Variants in DNAH17 observed in about 807,000 individuals in gnomAD.
DNAH17 encodes the protein dynein axonemal heavy chain 17.
A neutral mutation model predicts 485.6 loss-of-function variants in DNAH17; 376 were observed. That is an observed-to-expected ratio of 0.77 (90% CI 0.71 to 0.84). DNAH17 has a LOEUF of 0.84. Ranked by LOEUF, DNAH17 falls within the 40% of genes least tolerant of loss-of-function variation. DNAH17 has a pLI of 0.00. For synonymous variants in DNAH17, 3,031 were observed against 2,405.9 expected (o/e 1.26, Z -7.60); for missense variants, 6,370 against 5,839.3 (o/e 1.09, Z -2.96).
At chr17:78,428,905 G>A (rs558668461) in intron 76 of DNAH17, among the ~76,000 whole-genome samples, 198 bp from the exon 77 acceptor site, 8 of 136,902 alleles carry the variant, frequency 5.8e-5, no homozygotes, top group Admixed American at 5.5e-4. Context: ...CCCCTTCCCT[G>A]AGGCTGCATT....
intron 72 of DNAH17, 33 bp from the exon 73 acceptor site, chr17:78,439,250 C>A: frequency 6.3e-7 from 1 of 1,587,140 alleles, no homozygotes; most frequent in East Asian, 2.3e-5. Context: ...AAAAACACCA[C>A]GTAATTAAAT....
chr17:78,479,010 C>G lies in DNAH17; in HGVS notation c.7992+15G>C, dbSNP rs368845084. 3.8e-5 allele frequency: 61 copies of G among 1,611,128 alleles called. No homozygotes were observed. The highest frequency in any genetic ancestry group is 4.9e-5 in the Non-Finnish European group (58 of 1,177,774). On this transcript the variant is annotated intron_variant, in intron 51 of 80. Coordinates refer to ENST00000389840, the MANE Select transcript of DNAH17 (RefSeq NM_173628.4). ...ACCGTAAGGCAGGCATGACATAAAG[C>G]TACAAGAGCAGTACCTGGAAAATAT...
At chr17:78,491,120 T>C (rs564927934) in intron 43 of DNAH17, among the ~76,000 whole-genome samples, 70 of 152,326 alleles carry the variant, frequency 4.6e-4, no homozygotes, top group African/African-American at 1.6e-3. Flanking sequence ...CTGGAAAGTA[T>C]TGTGTTCCTT....
intron 74 of DNAH17, among the ~76,000 whole-genome samples, chr17:78,437,144 G>C (rs962147762): frequency 6.6e-6 from 1 of 152,180 alleles, no homozygotes; most frequent in Admixed American, 6.5e-5. Context: ...TGGGTCAGAG[G>C]GGGGCTGAAG....
chr17:78,495,219 G>A, intron 38 of DNAH17, 122 bp from the exon 39 acceptor site: 1 of 1,294,794 alleles, frequency 7.7e-7, no homozygotes, highest in South Asian at 1.6e-5. Context: ...GCAGAGTGTT[G>A]AACCTTCGGT....
In DNAH17 at chr17:78,479,494, CG is replaced by C; in HGVS notation, c.7890del (p.Ala2631ArgfsTer44). ...AIQRISSQLV[A>X]AALALHQKIT... ...AGGCCAGCCAGCTTACCCAGGGCCGCGGCCACCAGCTGGCTGCTTATCCTCT... is the reference window on the plus strand; with the variant it reads ...AGGCCAGCCAGCTTACCCAGGGCCGCGCCACCAGCTGGCTGCTTATCCTCT... On this transcript the variant is annotated frameshift_variant, in exon 50 of 81. Transcript: ENST00000389840. LOFTEE classifies it high-confidence loss of function. 6.2e-7 allele frequency: 1 copy of C among 1,611,378 alleles called. No individual in the cohort carries two copies. Among genetic ancestry groups the C allele is most frequent in the Non-Finnish European group, 8.5e-7 (1 of 1,179,242 alleles).
chr17:78,459,690 A>C, intron 60 of DNAH17, 94 bp downstream of exon 60: 1 of 1,414,222 alleles, frequency 7.1e-7, no homozygotes, highest in Middle Eastern at 2.1e-4. Context: ...CACAGGCCCC[A>C]AGAGCCTGAG....
chr17:78,570,953 T>C lies in DNAH17; in HGVS notation c.913A>G (p.Thr305Ala). Residue 305 changes from threonine (T) to alanine (A), a missense_variant, in exon 6 of 81, where the codon ACG becomes GCG. Thr to Ala is a moderately conservative substitution (Grantham distance 58). Transcript: ENST00000389840. ...GCTCTCCCTTGCCTGCGCACCATCG[T>C]GAAGTCGGCTTGTTCCATCTCCTCC... ...LLEEMEQADF[T>A]MLPTFIAKVL... The C allele has an allele frequency of 6.3e-7, 1 of 1,586,452 alleles. No homozygotes were observed.
At chr17:78,516,646 C>T (rs1474327507) in intron 25 of DNAH17, among the ~76,000 whole-genome samples, 1 of 138,728 alleles carries the variant, frequency 7.2e-6, no homozygotes, top group Admixed American at 7.7e-5. Flanking sequence ...GTGGACATCA[C>T]ATCACTGCAC....
At chr17:78,511,563 C>A (rs1027074479) in intron 26 of DNAH17, among the ~76,000 whole-genome samples, 1 of 152,244 alleles carries the variant, frequency 6.6e-6, no homozygotes, top group Non-Finnish European at 1.5e-5. Context: ...AGTACCAGAT[C>A]ACCGTTAGTC....
At chr17:78,574,117 G>T (rs1413747545) in intron 2 of DNAH17, among the ~76,000 whole-genome samples, 2 of 152,198 alleles carry the variant, frequency 1.3e-5, no homozygotes, top group African/African-American at 4.8e-5. Flanking sequence ...CAGTCTCAAT[G>T]CTGTCCAGAG....
intron 76 of DNAH17, 119 bp downstream of exon 76, chr17:78,429,002 C>CT (rs1321166848): frequency 2.1e-5 from 22 of 1,070,898 alleles, no homozygotes; most frequent in South Asian, 7.6e-5. Flanking sequence ...CTCATCCTCT[C>CT]TTATTTTGGC....
At chr17:78,524,112 C>T (rs987853663) in intron 25 of DNAH17, among the ~76,000 whole-genome samples, 2 of 151,972 alleles carry the variant, frequency 1.3e-5, no homozygotes, top group East Asian at 3.9e-4. Context: ...GGGGCGTGGC[C>T]CTCAGGAATG....
chr17:78,457,502 T>C (rs967243566), intron 62 of DNAH17, among the ~76,000 whole-genome samples: 5 of 152,170 alleles, frequency 3.3e-5, no homozygotes, highest in African/African-American at 1.2e-4. Context: ...AATAATATTT[T>C]GGATATTTGG....
intron 11 of DNAH17, among the ~76,000 whole-genome samples, chr17:78,565,953 AAAACAAAC>A (rs1392823116): frequency 6.6e-6 from 1 of 151,574 alleles, no homozygotes; most frequent in Non-Finnish European, 1.5e-5. Context: ...TCCATCTCAA[AAAACAAAC>A]AAACAACAAA....
chr17:78,532,719 G>A lies in DNAH17; in HGVS notation c.2877C>T (p.Asn959=), dbSNP rs1277141583. ...RMNYKMDLED[N]TDLIEMREEV... is the part of the protein sequence containing the mutation. ...CCTCCCTCATCTCTATGAGGTCTGT[G>A]TTATCTTCCAGGTCCATCTGAAAGG... Residue 959 remains asparagine (N), a synonymous_variant, in exon 20 of 81, where the codon AAC becomes AAT. Transcript: ENST00000389840. 2.5e-6 allele frequency: 4 copies of A among 1,592,874 alleles called. No homozygotes were observed. In the African/African-American group the frequency reaches 5.4e-5, roughly 21 times the overall value.
At position 78,437,641 on chromosome 17, in the gene DNAH17, C is replaced by A; in HGVS notation, c.12033G>T (p.Gln4011His). 6.2e-7 allele frequency: 1 copy of A among 1,604,510 alleles called. No homozygotes were observed. Among genetic ancestry groups the A allele is most frequent in the South Asian group, 1.1e-5 (1 of 90,086 alleles). ...NLHKALDLFT[Q>H]DTLEMCTKEM... ...GCAGCCCGAGCAGGCGTGGCCCTAC[C>A]TGGGTGAACAGGTCCAGGGCCTTGT... Residue 4011 changes from glutamine to histidine, a missense_variant and splice_region_variant, in exon 74 of 81, where the codon CAG becomes CAT. Transcript: ENST00000389840.
At position 78,514,727 on chromosome 17, in the gene DNAH17, G is replaced by A. The variant is rs1392719065; in HGVS notation, c.4113+47C>T. The A allele has an allele frequency of 2.5e-6, 4 of 1,591,672 alleles. No homozygotes were observed. The Admixed American group carries it at 5.2e-5, about 21-fold the overall frequency. On this transcript the variant is annotated intron_variant, in intron 26 of 80. Coordinates refer to ENST00000389840, the MANE Select transcript of DNAH17 (RefSeq NM_173628.4). Reference sequence around the variant, plus strand: ...TCAGGCCAGCCCATCCTGCAGCAGAGCTGGCCGCCAGGGGCGGTCCCCTCC... The same window carrying A: ...TCAGGCCAGCCCATCCTGCAGCAGAACTGGCCGCCAGGGGCGGTCCCCTCC...
At position 78,485,758 on chromosome 17, in the gene DNAH17, C is replaced by T. The variant is rs766548523; in HGVS notation, c.7276-1G>A. The T allele has an allele frequency of 6.2e-7, 1 of 1,606,376 alleles. No individual in the cohort carries two copies. Among genetic ancestry groups the T allele is most frequent in the Non-Finnish European group, 8.5e-7 (1 of 1,179,452 alleles). On this transcript the variant is annotated splice_acceptor_variant, in intron 46 of 80. Coordinates refer to ENST00000389840, the MANE Select transcript of DNAH17 (RefSeq NM_173628.4). LOFTEE classifies it high-confidence loss of function. Reference sequence around the variant, plus strand: ...TTTCCGTGGTGTGGACCAAAGAGGCCTGGGGCAGGGGAGGGAAGGGGAGGG... The same window carrying T: ...TTTCCGTGGTGTGGACCAAAGAGGCTTGGGGCAGGGGAGGGAAGGGGAGGG...
Sources: allele counts gnomAD v4.1 joint callset (sites outside exome capture counted in the v4.1 genomes callset), GRCh38; gene constraint gnomAD v4.1.1; transcripts MANE v1.5; gene names NCBI Gene and HGNC (gene_info 2026-07-23, HGNC 2026-07-21).